CORO2A: variants seen among roughly 807,000 people sequenced by gnomAD.
CORO2A encodes coronin-2A.
In CORO2A, 47 loss-of-function variants were observed where a neutral mutation model predicts 62.4. The ratio of observed to expected loss-of-function variants is 0.75; its 90% CI spans 0.60 to 0.96. CORO2A has a LOEUF of 0.96. CORO2A is among the 40% of genes least tolerant of loss of function. The pLI, the probability that CORO2A is intolerant of heterozygous loss-of-function variation, is 0.00. For synonymous variants in CORO2A, 273 were observed against 268.9 expected, an observed-to-expected ratio of 1.02 and a Z score of -0.15; for missense variants, 610 against 684.1, an observed-to-expected ratio of 0.89 and a Z score of 1.21.
At position 98,167,236 on chromosome 9, in the gene CORO2A, T is replaced by C. The variant is rs140402837; in HGVS notation, c.1-9576A>G. On this transcript the variant is annotated intron_variant, in intron 1 of 11. Coordinates refer to ENST00000375077, the MANE Select transcript of CORO2A (RefSeq NM_052820.4). ...AAAAGACAGCGCATGATTCCACTTATATGAGTTACTTTGAGTAGGCAAAAT... is the reference window on the plus strand; with the variant it reads ...AAAAGACAGCGCATGATTCCACTTACATGAGTTACTTTGAGTAGGCAAAAT... Among the ~76,000 whole-genome samples the C allele has an allele frequency of 7.2e-5, 11 of 152,250 alleles. No homozygotes were observed. In the East Asian group the frequency reaches 1.5e-3, roughly 21 times the overall value.
chr9:98,124,855 C>T lies in CORO2A; in HGVS notation c.1497G>A (p.Glu499=), dbSNP rs1317906257. 2 of 1,595,344 alleles carry T rather than the reference C, an allele frequency of 1.3e-6. No individual in the cohort carries two copies. Among genetic ancestry groups the T allele is most frequent in the Non-Finnish European group, 8.6e-7 (1 of 1,169,230 alleles). ...RQQEEIRRLR[E]LLTQREVQAK... ...CCTGGACCTCTCGCTGGGTCAACAGCTCCCGGAGCCTTCGGATCTCCTCCT... is the reference window on the plus strand; with the variant it reads ...CCTGGACCTCTCGCTGGGTCAACAGTTCCCGGAGCCTTCGGATCTCCTCCT... Residue 499 remains glutamate, a synonymous_variant, in exon 12 of 12, where the codon GAG becomes GAA. Coordinates refer to ENST00000375077, the MANE Select transcript of CORO2A (RefSeq NM_052820.4).
intron 2 of CORO2A, 116 bp from the exon 3 acceptor site, chr9:98,137,804 T>C (rs1248903445): frequency 5.0e-6 from 4 of 796,092 alleles, no homozygotes; most frequent in African/African-American, 1.7e-5. Flanking sequence ...CAGAGCTGGG[T>C]GTGAATCTAG....
chr9:98,140,793 T>C (rs1326985273), intron 2 of CORO2A, among the ~76,000 whole-genome samples: 1 of 152,076 alleles, frequency 6.6e-6, no homozygotes. Flanking sequence ...GTCCTGTGCC[T>C]CCCTCTGGAA....
chr9:98,148,076 G>A (rs1240874697), intron 2 of CORO2A, among the ~76,000 whole-genome samples: 1 of 123,632 alleles, frequency 8.1e-6, no homozygotes, highest in African/African-American at 3.3e-5. Context: ...ATGAGACCTC[G>A]CCTCTATTAA....
chr9:98,178,575 G>A (rs1358901347), intron 1 of CORO2A, among the ~76,000 whole-genome samples: 1 of 152,168 alleles, frequency 6.6e-6, no homozygotes, highest in Admixed American at 6.5e-5. Context: ...ACAGACTAAA[G>A]AGTAAGGGAG....
intron 1 of CORO2A, among the ~76,000 whole-genome samples, chr9:98,169,126 C>T (rs1827999436): frequency 6.6e-6 from 1 of 152,184 alleles, no homozygotes; most frequent in Non-Finnish European, 1.5e-5. Flanking sequence ...CCATCACCAG[C>T]GAGGCAGAAG....
chr9:98,140,561 C>T (rs921220324), intron 2 of CORO2A, among the ~76,000 whole-genome samples: 3 of 152,096 alleles, frequency 2.0e-5, no homozygotes, highest in Non-Finnish European at 4.4e-5. Flanking sequence ...ACCTCACCCT[C>T]CCAAGTTCCA....
At chr9:98,128,748 T>C (rs1281212179) in intron 8 of CORO2A, 29 bp from the exon 9 acceptor site, 2 of 1,598,310 alleles carry the variant, frequency 1.3e-6, no homozygotes. Context: ...GGCCAAGAGG[T>C]TCTGGCTAGG....
chr9:98,167,848 G>C (rs1226939139), intron 1 of CORO2A, among the ~76,000 whole-genome samples: 5 of 152,248 alleles, frequency 3.3e-5, no homozygotes, highest in Non-Finnish European at 1.5e-5. Flanking sequence ...TTGTTGGACA[G>C]AGGAGGAGGG....
rs766409614 is a variant in CORO2A at position 98,132,221 on chromosome 9, G to A, written c.729C>T (p.Ser243=). 1.2e-6 allele frequency: 2 copies of A among 1,614,170 alleles called. No homozygotes were observed. The highest frequency in any genetic ancestry group is 8.5e-7 in the Non-Finnish European group (1 of 1,180,016). The change falls in exon 6 of 12, where the codon TCC becomes TCT. Residue 243 remains serine (S), a synonymous_variant. Transcript: ENST00000375077. ...AGGCCACCTGCCGGTTGTTCCATCGGGATGTGCCTGTGGACATCAGCTTCT... is the reference window on the plus strand; with the variant it reads ...AGGCCACCTGCCGGTTGTTCCATCGAGATGTGCCTGTGGACATCAGCTTCT... ...NLKKLMSTGT[S]RWNNRQVALW... is the part of the protein sequence containing the mutation.
chr9:98,163,741 TGAGAGAGAGAGA>T lies in CORO2A; in HGVS notation c.1-6093_1-6082del, dbSNP rs565063006. Among the ~76,000 whole-genome samples, 14 of 139,632 alleles carry T rather than the reference TGAGAGAGAGAGA, an allele frequency of 1.0e-4. No homozygotes were observed. In the South Asian group the frequency reaches 2.1e-3, roughly 21 times the overall value. 91.6% of individuals were successfully genotyped at this position (139,632 alleles called of 152,430 possible). A position where few individuals can be genotyped will look rare whatever the true frequency, so the allele number is the denominator to read the frequency against. ...GTGTGTGTGTGTGTATGTGTGTGTG[TGAGAGAGAGAGA>T]GAGAGAGAGAGAGAGAGAGAGAAAG... On this transcript the variant is annotated intron_variant, in intron 1 of 11. Coordinates refer to ENST00000375077, the MANE Select transcript of CORO2A (RefSeq NM_052820.4).
chr9:98,137,569 C>T lies in CORO2A; in HGVS notation c.318+3G>A. On this transcript the variant is annotated splice_donor_region_variant and intron_variant, in intron 3 of 11. Coordinates refer to ENST00000375077, the MANE Select transcript of CORO2A (RefSeq NM_052820.4). ...GGGAAGCCCCTCAGGGGCTGACACT[C>T]ACTGTGGCATCTTCAGAACAGGAGG... 6.2e-7 allele frequency: 1 copy of T among 1,612,252 alleles called. No individual in the cohort carries two copies. Among genetic ancestry groups the T allele is most frequent in the South Asian group, 1.1e-5 (1 of 91,034 alleles).
chr9:98,138,423 A>G (rs1290082599), intron 2 of CORO2A, among the ~76,000 whole-genome samples: 1 of 152,112 alleles, frequency 6.6e-6, no homozygotes, highest in Non-Finnish European at 1.5e-5. Context: ...AAAAAAAAAA[A>G]AAAGAAACTG....
chr9:98,166,503 ACAACT>A (rs1827962885), intron 1 of CORO2A, among the ~76,000 whole-genome samples: 1 of 152,250 alleles, frequency 6.6e-6, no homozygotes, highest in African/African-American at 2.4e-5. Context: ...AAGAACTCTG[ACAACT>A]CAACAACAAG....
intron 7 of CORO2A, 118 bp downstream of exon 7, chr9:98,130,837 G>A: frequency 5.1e-6 from 4 of 787,370 alleles, no homozygotes; most frequent in Non-Finnish European, 8.3e-6. Context: ...CTTCTCACAG[G>A]GAAAGAGTGG....
Position 98,122,081 on chromosome 9 carries a change from T to G in CORO2A, c.*2693A>C, listed in dbSNP as rs774723683. The G allele has an allele frequency of 2.6e-5, 4 of 152,120 alleles. No individual in the cohort carries two copies. The highest frequency in any genetic ancestry group is 5.9e-5 in the Non-Finnish European group (4 of 68,056). The allele number at this position is 152,120 out of a possible 1,614,324, so 9.4% of individuals were successfully genotyped here. ...CACTGAACCCCCATCGTGCTGCAGC[T>G]GCGGTTCCCAGAGATGTTGAGGGAG... is the stretch of plus-strand genomic sequence containing the variant. On this transcript the variant is annotated 3_prime_UTR_variant, in exon 12 of 12. Coordinates refer to ENST00000375077, the MANE Select transcript of CORO2A (RefSeq NM_052820.4).
At chr9:98,132,954 T>C (rs1827429753) in intron 5 of CORO2A, 84 bp downstream of exon 5, 15 of 1,481,744 alleles carry the variant, frequency 1.0e-5, no homozygotes, top group South Asian at 9.9e-5. Flanking sequence ...ACAGCATCAC[T>C]GTCCTGTTCT....
At chr9:98,162,790 T>C (rs1827903852) in intron 1 of CORO2A, among the ~76,000 whole-genome samples, 1 of 152,212 alleles carries the variant, frequency 6.6e-6, no homozygotes, top group African/African-American at 2.4e-5. Context: ...CATGCGTGTA[T>C]CCGTGCATGC....
At chr9:98,187,403 G>A (rs1394729007) in intron 1 of CORO2A, among the ~76,000 whole-genome samples, 1 of 150,352 alleles carries the variant, frequency 6.7e-6, no homozygotes, top group African/African-American at 2.5e-5. Context: ...TGGCTGCAGT[G>A]AGCCAAGATC....
Sources: allele counts gnomAD v4.1 joint callset (sites outside exome capture counted in the v4.1 genomes callset), GRCh38; gene constraint gnomAD v4.1.1; transcripts MANE v1.5; gene names NCBI Gene and HGNC (gene_info 2026-07-23, HGNC 2026-07-21).